The following TENM3 variants were observed in gnomAD, a reference collection of about 807,000 sequenced individuals.
The protein encoded by TENM3 is teneurin-3.
A neutral mutation model predicts 255.1 loss-of-function variants in TENM3; 63 were observed. The observed-to-expected ratio is 0.25, with a 90% CI of 0.20 to 0.30. The LOEUF (loss-of-function observed/expected upper bound fraction) is 0.30. Ranked by LOEUF, TENM3 falls within the 10% of genes least tolerant of loss-of-function variation. The probability of loss-of-function intolerance (pLI) is 1.00; values close to 1 mark genes in which losing one functional copy is unlikely to be tolerated. For synonymous variants in TENM3, 1,306 were observed against 1,322.3 expected (o/e 0.99, Z 0.27); for missense variants, 2,929 against 3,461.1 (o/e 0.85, Z 3.86).
chr4:181,857,334 TG>T, the TENM3 span, among the ~76,000 whole-genome samples: 2 of 79,002 alleles, frequency 2.5e-5, no homozygotes, highest in African/African-American at 4.9e-5. Flanking sequence ...AAGGCCAGGG[TG>T]GCTGGAGGGG....
the TENM3 span, among the ~76,000 whole-genome samples, chr4:182,127,543 T>C: frequency 0.54 from 82,325 of 152,058 alleles, 22,838 homozygotes; most frequent in East Asian, 0.65. Flanking sequence ...TGCCTGTATA[T>C]CACTGTTCTC....
In TENM3 at chr4:182,481,588, C is replaced by T. The variant is rs953577402; in HGVS notation, c.512-119336C>T. 2.0e-5 allele frequency among the ~76,000 whole-genome samples: 3 copies of T among 151,678 alleles called. No individual in the cohort carries two copies. The Admixed American group carries it at 2.0e-4, about 10-fold the overall frequency. On this transcript the variant is annotated intron_variant, in intron 3 of 27. Coordinates refer to ENST00000511685, the MANE Select transcript of TENM3 (RefSeq NM_001080477.4). Reference sequence around the variant, plus strand: ...AGCAGACGGATTGCCTGAGCTCAGGCGTTCACGACCGGCCTGAGCAACACG... The same window carrying T: ...AGCAGACGGATTGCCTGAGCTCAGGTGTTCACGACCGGCCTGAGCAACACG...
chr4:181,611,883 T>A, the TENM3 span, among the ~76,000 whole-genome samples: 1 of 152,252 alleles, frequency 6.6e-6, no homozygotes, highest in Non-Finnish European at 1.5e-5. Context: ...TCACTTTAAA[T>A]TCTGTGTAAA....
At chr4:181,819,686 C>T in the TENM3 span, among the ~76,000 whole-genome samples, 1 of 152,182 alleles carries the variant, frequency 6.6e-6, no homozygotes, top group Non-Finnish European at 1.5e-5. Context: ...ATAAGGAGCA[C>T]TTGACCTTAG....
intron 1 of TENM3, among the ~76,000 whole-genome samples, chr4:182,182,707 A>C (rs978434218): frequency 2.6e-5 from 4 of 152,214 alleles, no homozygotes; most frequent in East Asian, 1.9e-4. Context: ...GTTCTTAAGC[A>C]GGTAACTTCT....
the TENM3 span, among the ~76,000 whole-genome samples, chr4:181,567,774 G>A: frequency 2.6e-5 from 4 of 152,054 alleles, no homozygotes; most frequent in Non-Finnish European, 4.4e-5. Flanking sequence ...TGACACATGA[G>A]GTCTTTCTAC....
intron 3 of TENM3, among the ~76,000 whole-genome samples, chr4:182,470,829 C>T (rs547160141): frequency 2.6e-5 from 4 of 152,198 alleles, no homozygotes; most frequent in Non-Finnish European, 5.9e-5. Flanking sequence ...TCCATGATTC[C>T]CAGGTAAATT....
At chr4:182,606,311 G>A (rs1748417356) in intron 4 of TENM3, among the ~76,000 whole-genome samples, 1 of 152,006 alleles carries the variant, frequency 6.6e-6, no homozygotes, top group East Asian at 1.9e-4. Flanking sequence ...ATCACCTGAG[G>A]TCAGGAGTTT....
the TENM3 span, among the ~76,000 whole-genome samples, chr4:181,520,128 C>A: frequency 6.6e-6 from 1 of 152,172 alleles, no homozygotes; most frequent in Non-Finnish European, 1.5e-5. Context: ...ATCCTCTACT[C>A]TTTTCAAGCC....
intron 3 of TENM3, among the ~76,000 whole-genome samples, chr4:182,468,249 A>G (rs951571392): frequency 6.6e-6 from 1 of 152,192 alleles, no homozygotes; most frequent in Non-Finnish European, 1.5e-5. Context: ...TTAAAAAGGC[A>G]TTACATAACA....
intron 1 of TENM3, among the ~76,000 whole-genome samples, chr4:182,273,505 T>C (rs1395242076): frequency 6.6e-6 from 1 of 152,222 alleles, no homozygotes; most frequent in Non-Finnish European, 1.5e-5. Flanking sequence ...AGTAACATGA[T>C]AAGAATACAA....
At chr4:181,911,250 A>G in the TENM3 span, among the ~76,000 whole-genome samples, 667 of 152,218 alleles carry the variant, frequency 4.4e-3, 6 homozygotes, top group African/African-American at 0.015. Context: ...TTTCCAATGA[A>G]CTCCAAAGAA....
chr4:181,461,212 C>T, the TENM3 span, among the ~76,000 whole-genome samples: 2,579 of 152,006 alleles, frequency 0.017, 29 homozygotes, highest in Non-Finnish European at 0.023. Flanking sequence ...CTTTGTCATC[C>T]AGCTTTCATA....
the TENM3 span, among the ~76,000 whole-genome samples, chr4:181,867,386 T>G: frequency 6.9e-3 from 1,045 of 152,164 alleles, 18 homozygotes; most frequent in African/African-American, 0.024. Flanking sequence ...TCATCCTCAG[T>G]CTCCATTTAG....
Position 182,793,290 on chromosome 4 carries a change from A to C in TENM3, c.6618A>C (p.Glu2206Asp), listed in dbSNP as rs368771811. 2.5e-5 allele frequency: 40 copies of C among 1,613,784 alleles called. No homozygotes were observed. The highest frequency in any genetic ancestry group is 3.2e-5 in the Non-Finnish European group (38 of 1,179,846). Residue 2206 changes from glutamate to aspartate, a missense_variant, in exon 26 of 28, where the codon GAA becomes GAC. Coordinates refer to ENST00000511685, the MANE Select transcript of TENM3 (RefSeq NM_001080477.4). The surrounding 1 kb of genome is among the most constrained non-coding windows in gnomAD (Gnocchi z 5.7). ...GTCAAAGGGGCACGGAAATCTTTGA[A>C]TATAGCTCCAAGGGGCTTCTAACTC... ...FLRQRGTEIF[E>D]YSSKGLLTRV...
chr4:182,177,615 T>TATA (rs56063332), intron 1 of TENM3, among the ~76,000 whole-genome samples: 33 of 132,414 alleles, frequency 2.5e-4, no homozygotes, highest in African/African-American at 4.1e-4. Flanking sequence ...TATATATATA[T>TATA]TTTTTTTTTT....
chr4:181,687,178 A>C, the TENM3 span, among the ~76,000 whole-genome samples: 2 of 152,212 alleles, frequency 1.3e-5, no homozygotes, highest in African/African-American at 4.8e-5. Context: ...TGGAAGAAGA[A>C]TACCAATTTA....
the TENM3 span, among the ~76,000 whole-genome samples, chr4:181,469,861 A>C: frequency 6.6e-6 from 1 of 152,040 alleles, no homozygotes; most frequent in African/African-American, 2.4e-5. Flanking sequence ...TTAAAATATC[A>C]CTTAATTATA....
the TENM3 span, among the ~76,000 whole-genome samples, chr4:181,560,322 C>T: frequency 6.6e-6 from 1 of 152,210 alleles, no homozygotes; most frequent in African/African-American, 2.4e-5. Flanking sequence ...TACTTTCTAA[C>T]ACCATCACGT....
Sources: allele counts gnomAD v4.1 joint callset (sites outside exome capture counted in the v4.1 genomes callset), GRCh38; gene constraint gnomAD v4.1.1; non-coding constraint Gnocchi (gnomAD v3.1); transcripts MANE v1.5; gene names NCBI Gene and HGNC (gene_info 2026-07-23, HGNC 2026-07-21).